Variants in CCDC3 observed in about 807,000 individuals in gnomAD.
The protein encoded by CCDC3 is coiled-coil domain-containing protein 3.
In CCDC3, 24 loss-of-function variants were observed where a neutral mutation model predicts 21.4. The observed-to-expected ratio is 1.12, with a 90% CI of 0.81 to 1.58. CCDC3 has a LOEUF of 1.58. CCDC3 is among the 40% of genes most tolerant of loss of function. CCDC3 has a pLI of 0.00. For synonymous variants in CCDC3, 186 were observed against 166.0 expected (o/e 1.12, Z -0.93); for missense variants, 425 against 360.9 (o/e 1.18, Z -1.44).
At chr10:12,994,936 C>A (rs1332387799) in intron 2 of CCDC3, among the ~76,000 whole-genome samples, 2 of 151,826 alleles carry the variant, frequency 1.3e-5, no homozygotes. Flanking sequence ...CAAAAATTAG[C>A]CAGGTGTGAT....
At chr10:12,989,990 C>T (rs546676968) in intron 2 of CCDC3, among the ~76,000 whole-genome samples, 4 of 151,676 alleles carry the variant, frequency 2.6e-5, no homozygotes, top group East Asian at 1.9e-4. Context: ...CAGTGGCTCA[C>T]GCCTGTAATA....
At chr10:12,995,362 A>G (rs1303845327) in intron 2 of CCDC3, among the ~76,000 whole-genome samples, 3 of 152,026 alleles carry the variant, frequency 2.0e-5, no homozygotes, top group Non-Finnish European at 4.4e-5. Flanking sequence ...CTGCCTCAAC[A>G]TCCTAAGTAG....
intron 2 of CCDC3, among the ~76,000 whole-genome samples, chr10:12,911,652 T>A (rs1834272942): frequency 6.6e-6 from 1 of 152,208 alleles, no homozygotes; most frequent in Non-Finnish European, 1.5e-5. Context: ...TCACCTCACA[T>A]ACCATTTTTT....
intron 3 of CCDC3, among the ~76,000 whole-genome samples, chr10:13,095,602 C>A (rs1832621109): frequency 6.6e-6 from 1 of 152,192 alleles, no homozygotes; most frequent in Non-Finnish European, 1.5e-5. Flanking sequence ...GGAGCTTAGG[C>A]CATAATGCTC....
At chr10:13,059,451 G>A (rs1836726296) in intron 4 of CCDC3, among the ~76,000 whole-genome samples, 1 of 152,252 alleles carries the variant, frequency 6.6e-6, no homozygotes. Flanking sequence ...AATTAAAACG[G>A]GATGGGAGGT....
At chr10:12,901,910 C>CT (rs960231401) in intron 2 of CCDC3, among the ~76,000 whole-genome samples, 1 of 152,224 alleles carries the variant, frequency 6.6e-6, no homozygotes, top group African/African-American at 2.4e-5. Context: ...TTCCTCCCGC[C>CT]TGGAGCACTG....
chr10:12,932,080 G>A (rs1400935196), intron 2 of CCDC3, among the ~76,000 whole-genome samples: 1 of 152,156 alleles, frequency 6.6e-6, no homozygotes, highest in East Asian at 1.9e-4. Flanking sequence ...CATTTGTTTA[G>A]TTCTTTAATA....
At chr10:13,028,430 A>T (rs1173773044) in intron 5 of CCDC3, among the ~76,000 whole-genome samples, 1 of 152,176 alleles carries the variant, frequency 6.6e-6, no homozygotes, top group South Asian at 2.1e-4. Context: ...GCAGCATGAG[A>T]ACAGACTAAT....
At chr10:12,899,246 A>C (rs1287857420) in intron 2 of CCDC3, among the ~76,000 whole-genome samples, 2 of 152,174 alleles carry the variant, frequency 1.3e-5, no homozygotes, top group African/African-American at 4.8e-5. Flanking sequence ...ACGCATGAAA[A>C]GATGCTTAAC....
At chr10:13,060,211 C>A (rs765307881) in intron 4 of CCDC3, among the ~76,000 whole-genome samples, 1 of 152,174 alleles carries the variant, frequency 6.6e-6, no homozygotes, top group Non-Finnish European at 1.5e-5. Context: ...TTACCTCGGC[C>A]TCAGACCTTG....
At chr10:13,087,776 C>G (rs1301033391) in intron 3 of CCDC3, among the ~76,000 whole-genome samples, 1 of 152,076 alleles carries the variant, frequency 6.6e-6, no homozygotes, top group African/African-American at 2.4e-5. Flanking sequence ...GAAGCCATAG[C>G]CGCCGCTTTC....
chr10:12,912,859 A>C (rs545815256), intron 2 of CCDC3, among the ~76,000 whole-genome samples: 1 of 152,304 alleles, frequency 6.6e-6, no homozygotes, highest in Non-Finnish European at 1.5e-5. Flanking sequence ...CGTTTACTGA[A>C]GAGACTGTCC....
chr10:12,915,095 G>A (rs943600962), intron 2 of CCDC3, among the ~76,000 whole-genome samples: 1 of 151,952 alleles, frequency 6.6e-6, no homozygotes, highest in African/African-American at 2.4e-5. Flanking sequence ...TTGACCCATT[G>A]GTGTTCAGGA....
intron 5 of CCDC3, among the ~76,000 whole-genome samples, chr10:13,029,301 G>A (rs897609286): frequency 1.3e-5 from 2 of 152,146 alleles, no homozygotes; most frequent in Non-Finnish European, 2.9e-5. Context: ...CTAACAAATA[G>A]AAAGGACATG....
chr10:12,957,925 G>C (rs974489645), intron 2 of CCDC3, among the ~76,000 whole-genome samples: 1 of 152,072 alleles, frequency 6.6e-6, no homozygotes, highest in Non-Finnish European at 1.5e-5. Flanking sequence ...GGCCTCCTGG[G>C]TTCAAGTGAT....
chr10:12,909,378 A>C (rs893457627), intron 2 of CCDC3, among the ~76,000 whole-genome samples: 1 of 152,118 alleles, frequency 6.6e-6, no homozygotes, highest in Non-Finnish European at 1.5e-5. Context: ...TCTTCTCCCC[A>C]CCGTGCCCAG....
At position 12,933,946 on chromosome 10, in the gene CCDC3, C is replaced by T. The variant is rs567146458; in HGVS notation, c.550-35267G>A. ...CTGTTTTCACTTTCATTGATTTCTT[C>T]TCTAATTTTTATTATTACTTTTCTT... On this transcript the variant is annotated intron_variant, in intron 2 of 2. Transcript: ENST00000378825. 6.3e-5 allele frequency among the ~76,000 whole-genome samples: 8 copies of T among 126,444 alleles called. No homozygotes were observed. In the South Asian group the frequency reaches 1.8e-3, roughly 29 times the overall value. The allele number at this position is 126,444 out of a possible 152,430, so 83.0% of individuals were successfully genotyped here. A position where few individuals can be genotyped will look rare whatever the true frequency, so the allele number is the denominator to read the frequency against.
At chr10:13,067,751 T>C (rs1836839287) in intron 4 of CCDC3, among the ~76,000 whole-genome samples, 1 of 152,204 alleles carries the variant, frequency 6.6e-6, no homozygotes, top group Non-Finnish European at 1.5e-5. Flanking sequence ...TCTTCCTTTC[T>C]CTGAGCACCT....
At chr10:13,087,964 T>A (rs911011191) in intron 3 of CCDC3, among the ~76,000 whole-genome samples, 2 of 152,154 alleles carry the variant, frequency 1.3e-5, no homozygotes, top group African/African-American at 2.4e-5. Flanking sequence ...AATGATCAGA[T>A]CCAGGATTCC....
Sources: allele counts gnomAD v4.1 joint callset (sites outside exome capture counted in the v4.1 genomes callset), GRCh38; gene constraint gnomAD v4.1.1; transcripts MANE v1.5; gene names NCBI Gene and HGNC (gene_info 2026-07-23, HGNC 2026-07-21).